Variants in C7orf33 observed in about 807,000 individuals in gnomAD.
C7orf33 encodes uncharacterized protein C7orf33.
In C7orf33, 15 loss-of-function variants were observed where a neutral mutation model predicts 13.4. The observed-to-expected ratio is 1.12, with a 90% CI of 0.75 to 1.72. C7orf33 has a LOEUF of 1.72. C7orf33 is among the 40% of genes most tolerant of loss of function. The pLI is 0.00. For synonymous variants in C7orf33, 73 were observed against 83.2 expected (o/e 0.88, Z 0.67); for missense variants, 187 against 220.3 (o/e 0.85, Z 0.96).
At chr7:148,602,683 G>A (rs576544833) in intron 1 of C7orf33, among the ~76,000 whole-genome samples, 1 of 152,028 alleles carries the variant, frequency 6.6e-6, no homozygotes, top group Admixed American at 6.6e-5. Context: ...GGGCAGTAAG[G>A]CAAGAAAAAG....
intron 1 of C7orf33, among the ~76,000 whole-genome samples, chr7:148,601,168 T>A (rs1274633713): frequency 1.3e-5 from 2 of 152,166 alleles, no homozygotes; most frequent in Non-Finnish European, 2.9e-5. Flanking sequence ...CCTAATTTAT[T>A]TTGAGTGAAG....
chr7:148,615,236 G>T, intron 2 of C7orf33, 91 bp from the exon 3 acceptor site: 1 of 875,786 alleles, frequency 1.1e-6, no homozygotes, highest in Non-Finnish European at 1.9e-6. Context: ...ACCATGCCAG[G>T]CTGAGACAGT....
rs1585457655 is a variant in C7orf33 at position 148,598,988 on chromosome 7, A to G, written c.204+7859A>G. Among the ~76,000 whole-genome samples, 7 of 148,964 alleles carry G rather than the reference A, an allele frequency of 4.7e-5. No individual in the cohort carries two copies. In the South Asian group the frequency reaches 1.5e-3, roughly 31 times the overall value. On this transcript the variant is annotated intron_variant, in intron 1 of 2. Coordinates refer to ENST00000307003, the MANE Select transcript of C7orf33 (RefSeq NM_145304.4). ...AGTGATTCTCCTGCCTCAGCTTCCC[A>G]AGTAGCTGGGATTACAAGCACTTGC... is the stretch of plus-strand genomic sequence containing the variant.
rs1381773901 is a variant in C7orf33 at position 148,591,082 on chromosome 7, G to A, written c.157G>A (p.Gly53Ser). ...RAVAVWVHVR[G>S]GPGQFNLSYA... Reference sequence around the variant, plus strand: ...AGTCGCTGTTTGGGTCCACGTTAGGGGCGGTCCAGGTCAATTTAACTTGTC... The same window carrying A: ...AGTCGCTGTTTGGGTCCACGTTAGGAGCGGTCCAGGTCAATTTAACTTGTC... The change falls in exon 1 of 3, where the codon GGC becomes AGC. Residue 53 changes from glycine to serine, a missense_variant. Coordinates refer to ENST00000307003, the MANE Select transcript of C7orf33 (RefSeq NM_145304.4). The A allele has an allele frequency of 6.2e-7, 1 of 1,613,926 alleles. No individual in the cohort carries two copies. Among genetic ancestry groups the A allele is most frequent in the Non-Finnish European group, 8.5e-7 (1 of 1,179,968 alleles).
At chr7:148,598,650 CTCTCTCTATA>C (rs1384445361) in intron 1 of C7orf33, among the ~76,000 whole-genome samples, 2 of 144,138 alleles carry the variant, frequency 1.4e-5, no homozygotes, top group Non-Finnish European at 3.0e-5. Flanking sequence ...CTCTCCCTCT[CTCTCTCTATA>C]TATATATACA....
At chr7:148,597,804 G>A (rs1224912035) in intron 1 of C7orf33, among the ~76,000 whole-genome samples, 2 of 152,084 alleles carry the variant, frequency 1.3e-5, no homozygotes, top group African/African-American at 2.4e-5. Flanking sequence ...CGCCCAGGCT[G>A]GAGTGCAGTG....
chr7:148,598,360 G>C (rs1202255597), intron 1 of C7orf33, among the ~76,000 whole-genome samples: 3 of 152,006 alleles, frequency 2.0e-5, no homozygotes, highest in Non-Finnish European at 2.9e-5. Flanking sequence ...CCAACAATTA[G>C]ATTACAAACA....
chr7:148,605,437 AGG>A (rs946397350), intron 1 of C7orf33, among the ~76,000 whole-genome samples: 2 of 152,212 alleles, frequency 1.3e-5, no homozygotes, highest in African/African-American at 4.8e-5. Context: ...TTTGGCAAGA[AGG>A]GGAGCAAAAG....
chr7:148,603,390 C>A (rs1484234720), intron 1 of C7orf33, among the ~76,000 whole-genome samples: 1 of 152,052 alleles, frequency 6.6e-6, no homozygotes, highest in South Asian at 2.1e-4. Context: ...AACCCCATCC[C>A]CACTAAAAAT....
chr7:148,599,732 C>T (rs1796391712), intron 1 of C7orf33, among the ~76,000 whole-genome samples: 1 of 152,140 alleles, frequency 6.6e-6, no homozygotes, highest in African/African-American at 2.4e-5. Context: ...CTCGGCCTCC[C>T]AAAGTGCTGG....
intron 1 of C7orf33, among the ~76,000 whole-genome samples, chr7:148,603,260 T>A (rs1796436947): frequency 6.6e-6 from 1 of 151,974 alleles, no homozygotes; most frequent in Non-Finnish European, 1.5e-5. Flanking sequence ...AGAAGAGCTC[T>A]GAGACCAGGC....
intron 2 of C7orf33, among the ~76,000 whole-genome samples, 164 bp downstream of exon 2, chr7:148,614,460 T>C (rs1248540253): frequency 6.6e-6 from 1 of 152,200 alleles, no homozygotes; most frequent in African/African-American, 2.4e-5. Flanking sequence ...CCCATGCTTT[T>C]TTGCCAACTT....
intron 1 of C7orf33, among the ~76,000 whole-genome samples, chr7:148,594,085 A>G (rs1796300493): frequency 6.6e-6 from 1 of 151,880 alleles, no homozygotes; most frequent in Admixed American, 6.6e-5. Flanking sequence ...TCATGAGTGA[A>G]AGCTCCTTGA....
chr7:148,603,204 A>G (rs1796435999), intron 1 of C7orf33, among the ~76,000 whole-genome samples: 1 of 152,190 alleles, frequency 6.6e-6, no homozygotes, highest in African/African-American at 2.4e-5. Flanking sequence ...CAAATAAAAC[A>G]TCACACCCAG....
intron 1 of C7orf33, among the ~76,000 whole-genome samples, chr7:148,607,842 A>G (rs183795479): frequency 1.6e-3 from 243 of 152,200 alleles, no homozygotes; most frequent in African/African-American, 5.7e-3. Flanking sequence ...TTGTATTCCT[A>G]TATTCTTTCT....
At chr7:148,609,157 C>T (rs1796509673) in intron 1 of C7orf33, among the ~76,000 whole-genome samples, 1 of 148,408 alleles carries the variant, frequency 6.7e-6, no homozygotes, top group African/African-American at 2.5e-5. Context: ...GGTAGCACAT[C>T]AACAAGATTC....
rs886396067 is a variant in C7orf33, at chr7:148,590,836, C to G, written c.-90C>G. ...CTGTGTCTGAATCCTCCTACTGACC[C>G]TGGGGATCCGTGCGACTTGATCTTA... On this transcript the variant is annotated 5_prime_UTR_variant, in exon 1 of 3. Transcript: ENST00000307003. The G allele has an allele frequency of 7.4e-5, 90 of 1,214,774 alleles. No homozygotes were observed. In the African/African-American group the frequency reaches 1.3e-3, roughly 17 times the overall value. 75.2% of individuals were successfully genotyped at this position (1,214,774 alleles called of 1,614,324 possible).
At chr7:148,595,379 CTA>C (rs1020409344) in intron 1 of C7orf33, among the ~76,000 whole-genome samples, 1 of 126,714 alleles carries the variant, frequency 7.9e-6, no homozygotes, top group Non-Finnish European at 1.6e-5. Flanking sequence ...ATATAGATCT[CTA>C]TTATATAGAT....
intron 1 of C7orf33, 38 bp downstream of exon 1, chr7:148,591,167 G>C (rs779825236): frequency 6.7e-7 from 1 of 1,491,798 alleles, no homozygotes; most frequent in Non-Finnish European, 9.3e-7. Flanking sequence ...ACTGCTCTTT[G>C]AGTCAGTCAG....
Sources: allele counts gnomAD v4.1 joint callset (sites outside exome capture counted in the v4.1 genomes callset), GRCh38; gene constraint gnomAD v4.1.1; transcripts MANE v1.5; gene names NCBI Gene and HGNC (gene_info 2026-07-23, HGNC 2026-07-21).